DKK2: variants seen among roughly 807,000 people sequenced by gnomAD.
The protein encoded by DKK2 is dickkopf-related protein 2.
Under a neutral mutation model 28.1 loss-of-function variants are expected in DKK2, and 11 were observed. The observed-to-expected ratio is 0.39, with a 90% confidence interval of 0.25 to 0.65. The LOEUF (loss-of-function observed/expected upper bound fraction) is 0.65, where lower values mean the gene tolerates loss of function less well. Ranked by LOEUF, DKK2 falls within the 30% of genes least tolerant of loss-of-function variation. DKK2 has a pLI of 0.47. For missense variants in DKK2, 326 were observed against 335.5 expected, an observed-to-expected ratio of 0.97 and a Z score of 0.22; for synonymous variants, 135 against 126.5, an observed-to-expected ratio of 1.07 and a Z score of -0.45.
chr4:106,989,884 T>C (rs932813393), intron 1 of DKK2, among the ~76,000 whole-genome samples: 1 of 152,208 alleles, frequency 6.6e-6, no homozygotes, highest in Non-Finnish European at 1.5e-5. Flanking sequence ...TAAAATTTTC[T>C]AGTAAACACA....
chr4:106,954,354 A>AT (rs1274055912), intron 1 of DKK2, among the ~76,000 whole-genome samples: 1 of 151,872 alleles, frequency 6.6e-6, no homozygotes, highest in Non-Finnish European at 1.5e-5. Context: ...TCACTTCTTT[A>AT]TTTTTTTCAT....
intron 1 of DKK2, among the ~76,000 whole-genome samples, chr4:107,027,856 A>G (rs1323761044): frequency 4.7e-5 from 7 of 149,514 alleles, no homozygotes; most frequent in South Asian, 2.1e-4. Context: ...GGTTCACGCC[A>G]TTCTCCTGCC....
rs371784739 is a variant in DKK2, at chr4:107,023,627, G to C, written c.222+11743C>G. On this transcript the variant is annotated intron_variant, in intron 1 of 3. Coordinates refer to ENST00000285311, the MANE Select transcript of DKK2 (RefSeq NM_014421.3). ...ACACAAAGAGTGAGCCCTTGTGTAT[G>C]GGTTTTATTAATAATAATGTATCAA... 5.9e-5 allele frequency among the ~76,000 whole-genome samples: 9 copies of C among 152,074 alleles called. 1 individual carries two copies. The highest frequency in any genetic ancestry group is 5.9e-4 in the Admixed American group (9 of 15,246).
At chr4:106,973,868 G>C (rs1236328919) in intron 1 of DKK2, among the ~76,000 whole-genome samples, 3 of 152,096 alleles carry the variant, frequency 2.0e-5, no homozygotes, top group Non-Finnish European at 2.9e-5. Flanking sequence ...TATTGTTTTA[G>C]CTCTTACATT....
At chr4:106,976,467 T>G (rs1055903268) in intron 1 of DKK2, among the ~76,000 whole-genome samples, 1 of 152,234 alleles carries the variant, frequency 6.6e-6, no homozygotes, top group African/African-American at 2.4e-5. Flanking sequence ...CTCTTCTTGT[T>G]GAATTGATCC....
At chr4:107,034,205 G>T (rs926199971) in intron 1 of DKK2, among the ~76,000 whole-genome samples, 2 of 152,116 alleles carry the variant, frequency 1.3e-5, no homozygotes, top group South Asian at 2.1e-4. Context: ...GGCTGGCTGC[G>T]CTGTGGACAG....
chr4:106,960,252 C>G (rs1010310102), intron 1 of DKK2, among the ~76,000 whole-genome samples: 1 of 150,818 alleles, frequency 6.6e-6, no homozygotes, highest in East Asian at 1.9e-4. Context: ...TAAAAAAGAA[C>G]GAAATAATGT....
intron 1 of DKK2, among the ~76,000 whole-genome samples, chr4:107,007,504 C>T (rs1197200194): frequency 1.3e-5 from 2 of 151,950 alleles, no homozygotes; most frequent in Non-Finnish European, 2.9e-5. Context: ...AAAAACACTA[C>T]AAAATAAGAA....
chr4:106,967,223 G>C (rs1008174541), intron 1 of DKK2, among the ~76,000 whole-genome samples: 3 of 152,036 alleles, frequency 2.0e-5, no homozygotes, highest in Non-Finnish European at 4.4e-5. Flanking sequence ...ACTATTTTGT[G>C]GAGTAGATAG....
At chr4:106,970,686 G>A (rs968122063) in intron 1 of DKK2, among the ~76,000 whole-genome samples, 1 of 151,884 alleles carries the variant, frequency 6.6e-6, no homozygotes, top group Non-Finnish European at 1.5e-5. Flanking sequence ...ATTGTACAAG[G>A]CCTACTGAGC....
At chr4:107,005,256 G>T (rs1300546242) in intron 1 of DKK2, among the ~76,000 whole-genome samples, 1 of 150,692 alleles carries the variant, frequency 6.6e-6, no homozygotes, top group Non-Finnish European at 1.5e-5. Context: ...CAGGAGCAAG[G>T]CGTGAACCCG....
chr4:106,989,727 T>A (rs752614223), intron 1 of DKK2, among the ~76,000 whole-genome samples: 1 of 152,212 alleles, frequency 6.6e-6, no homozygotes, highest in African/African-American at 2.4e-5. Context: ...TTAATCATAG[T>A]AGATTGTTCT....
chr4:106,961,565 G>GCGCACACACACA (rs1376025998), intron 1 of DKK2, among the ~76,000 whole-genome samples: 1 of 136,242 alleles, frequency 7.3e-6, no homozygotes, highest in African/African-American at 2.8e-5. Context: ...CCAACAGCCT[G>GCGCACACACACA]CACACACACA....
Position 106,964,909 on chromosome 4 carries a change from T to C in DKK2, c.223-38960A>G, listed in dbSNP as rs938023496. On this transcript the variant is annotated intron_variant, in intron 1 of 3. Coordinates refer to ENST00000285311, the MANE Select transcript of DKK2 (RefSeq NM_014421.3). Reference sequence around the variant, plus strand: ...ATTTCTTAAACAACATGATAGATGATAGATAGGAGAGAGAGAGAGAGAGAT... The same window carrying C: ...ATTTCTTAAACAACATGATAGATGACAGATAGGAGAGAGAGAGAGAGAGAT... Among the ~76,000 whole-genome samples, 44 of 151,358 alleles carry C rather than the reference T, an allele frequency of 2.9e-4. 1 individual carries two copies. Among genetic ancestry groups the C allele is most frequent in the Non-Finnish European group, 2.9e-5 (2 of 67,876 alleles).
At chr4:106,973,202 T>C (rs1287893201) in intron 1 of DKK2, among the ~76,000 whole-genome samples, 4 of 151,900 alleles carry the variant, frequency 2.6e-5, no homozygotes, top group East Asian at 1.9e-4. Flanking sequence ...ATAAATCAAG[T>C]ACATGTGTCT....
At chr4:106,924,509 A>AT (rs774392569) in intron 3 of DKK2, 36 bp downstream of exon 3, 1 of 1,584,140 alleles carries the variant, frequency 6.3e-7, no homozygotes, top group South Asian at 1.2e-5. Context: ...CTATTTCTTT[A>AT]TTTTAAAAAA....
rs540134196 is a variant in DKK2, at chr4:106,938,216, C to T, written c.223-12267G>A. Among the ~76,000 whole-genome samples, 157 of 148,694 alleles carry T rather than the reference C, an allele frequency of 1.1e-3. 1 individual carries two copies. The highest frequency in any genetic ancestry group is 3.3e-3 in the African/African-American group (133 of 40,328). ...GAAAGGATCAACAAAATTGATAGAC[C>T]GCTAGCAAGACTAATAAAGAAAAAA... On this transcript the variant is annotated intron_variant, in intron 1 of 3. Coordinates refer to ENST00000285311, the MANE Select transcript of DKK2 (RefSeq NM_014421.3).
At chr4:106,978,848 G>A (rs1722983784) in intron 1 of DKK2, among the ~76,000 whole-genome samples, 1 of 151,746 alleles carries the variant, frequency 6.6e-6, no homozygotes, top group African/African-American at 2.4e-5. Context: ...TGCCCAAACA[G>A]CCTCCCAGTT....
chr4:106,937,526 T>G (rs1201057551), intron 1 of DKK2, among the ~76,000 whole-genome samples: 3 of 148,820 alleles, frequency 2.0e-5, no homozygotes, highest in Non-Finnish European at 4.5e-5. Context: ...TGGGAGACTT[T>G]AACACCCCAC....
Sources: allele counts gnomAD v4.1 joint callset (sites outside exome capture counted in the v4.1 genomes callset), GRCh38; gene constraint gnomAD v4.1.1; transcripts MANE v1.5; gene names NCBI Gene and HGNC (gene_info 2026-07-23, HGNC 2026-07-21).